Variants in CNBD1 observed in about 807,000 individuals in gnomAD.
CNBD1 encodes the protein cyclic nucleotide binding domain containing 1, also known as cyclic nucleotide-binding domain-containing protein 1.
In CNBD1, 71 loss-of-function variants were observed where a neutral mutation model predicts 54.4. The ratio of observed to expected loss-of-function variants is 1.30; its 90% CI spans 1.08 to 1.59. The LOEUF (loss-of-function observed/expected upper bound fraction) is 1.59. CNBD1 is among the 40% of genes most tolerant of loss of function. CNBD1 has a pLI of 0.00. For synonymous variants in CNBD1, 182 were observed against 170.7 expected, an observed-to-expected ratio of 1.07 and a Z score of -0.51; for missense variants, 659 against 518.0, an observed-to-expected ratio of 1.27 and a Z score of -2.64.
intron 8 of CNBD1, among the ~76,000 whole-genome samples, chr8:87,320,759 G>A (rs1316146388): frequency 6.6e-6 from 1 of 151,984 alleles, no homozygotes; most frequent in Non-Finnish European, 1.5e-5. Flanking sequence ...AATTTTATGT[G>A]CACATTACAG....
intron 2 of CNBD1, among the ~76,000 whole-genome samples, chr8:87,415,120 G>T (rs770271533): frequency 6.6e-6 from 1 of 152,020 alleles, no homozygotes; most frequent in African/African-American, 2.4e-5. Flanking sequence ...ATCCCCAAAG[G>T]TGCTTTACCA....
intron 10 of CNBD1, among the ~76,000 whole-genome samples, chr8:87,379,420 A>G (rs112527457): frequency 0.017 from 2,527 of 151,358 alleles, 72 homozygotes; most frequent in African/African-American, 0.056. Context: ...CAAATCAACA[A>G]AATATACATT....
intron 4 of CNBD1, among the ~76,000 whole-genome samples, chr8:87,038,227 A>C (rs1447809061): frequency 6.6e-6 from 1 of 152,196 alleles, no homozygotes; most frequent in Non-Finnish European, 1.5e-5. Context: ...ATTTAGGCTC[A>C]AGTTAATCAA....
intron 4 of CNBD1, among the ~76,000 whole-genome samples, chr8:86,967,205 G>C (rs1318934912): frequency 2.2e-4 from 33 of 152,328 alleles, no homozygotes; most frequent in Admixed American, 2.1e-3. Flanking sequence ...GGGCTTCCAA[G>C]GGTATAAGCT....
intron 8 of CNBD1, among the ~76,000 whole-genome samples, chr8:87,347,969 AT>A (rs1204798502): frequency 1.3e-5 from 2 of 152,104 alleles, no homozygotes; most frequent in Non-Finnish European, 1.5e-5. Context: ...TCAAAATTTA[AT>A]TTTTTAATTT....
At chr8:87,272,823 C>T (rs753678969) in intron 6 of CNBD1, among the ~76,000 whole-genome samples, 11 of 151,876 alleles carry the variant, frequency 7.2e-5, no homozygotes, top group Non-Finnish European at 1.6e-4. Flanking sequence ...ACCTTATGTG[C>T]TAACTTTAAA....
intron 8 of CNBD1, among the ~76,000 whole-genome samples, chr8:87,313,180 T>A (rs1199582824): frequency 1.3e-5 from 2 of 152,086 alleles, no homozygotes; most frequent in Non-Finnish European, 2.9e-5. Context: ...AAAGGTTTGA[T>A]GCTTTTTGCA....
chr8:87,231,500 C>T (rs964322172), intron 5 of CNBD1, among the ~76,000 whole-genome samples: 1 of 152,130 alleles, frequency 6.6e-6, no homozygotes, highest in Non-Finnish European at 1.5e-5. Flanking sequence ...TCAGTTTCCT[C>T]AGTTGTAAAG....
intron 3 of CNBD1, among the ~76,000 whole-genome samples, chr8:86,925,061 C>T (rs977252338): frequency 5.9e-5 from 9 of 152,134 alleles, no homozygotes; most frequent in Admixed American, 1.3e-4. Context: ...AATATTCTTT[C>T]TTATATTATA....
chr8:87,333,769 C>G (rs1233606275), intron 8 of CNBD1, among the ~76,000 whole-genome samples: 2 of 152,124 alleles, frequency 1.3e-5, no homozygotes, highest in Non-Finnish European at 2.9e-5. Context: ...TTTGGTTTGC[C>G]AGCATTTTAT....
At chr8:87,388,612 G>C (rs980090656) in intron 2 of CNBD1, among the ~76,000 whole-genome samples, 1 of 152,088 alleles carries the variant, frequency 6.6e-6, no homozygotes, top group African/African-American at 2.4e-5. Context: ...ACAATTAATA[G>C]CTTACCAACC....
intron 2 of CNBD1, 60 bp downstream of exon 2, chr8:86,887,671 A>G (rs1808701647): frequency 2.5e-6 from 3 of 1,221,294 alleles, no homozygotes; most frequent in Non-Finnish European, 3.5e-6. Context: ...TTTTTGTTTT[A>G]GGGATAAAGT....
chr8:87,163,668 C>A lies in CNBD1; in HGVS notation c.432-42325C>A, dbSNP rs558688917. Among the ~76,000 whole-genome samples the A allele has an allele frequency of 6.6e-6, 1 of 151,602 alleles. No homozygotes were observed. The highest frequency in any genetic ancestry group is 2.4e-5 in the African/African-American group (1 of 41,414). On this transcript the variant is annotated intron_variant, in intron 4 of 10. Coordinates refer to ENST00000518476, the MANE Select transcript of CNBD1 (RefSeq NM_173538.3). The surrounding 1 kb of genome is among the most constrained non-coding windows in gnomAD (Gnocchi z 4.5). ...ATTTGTAGGTTGATTTTGTTTCCTG[C>A]AAATTTATTGAATTTGCTTATTAGT...
chr8:87,221,660 T>A (rs1032876434), intron 5 of CNBD1, among the ~76,000 whole-genome samples: 1 of 152,138 alleles, frequency 6.6e-6, no homozygotes, highest in South Asian at 2.1e-4. Context: ...TTGCCTCTTA[T>A]AATTATATAC....
At chr8:87,117,725 C>A (rs892300847) in intron 4 of CNBD1, among the ~76,000 whole-genome samples, 1 of 151,936 alleles carries the variant, frequency 6.6e-6, no homozygotes, top group African/African-American at 2.4e-5. Flanking sequence ...AGACCTTGGA[C>A]AGCTAGCTAA....
At chr8:87,125,442 A>G (rs1039690943) in intron 4 of CNBD1, among the ~76,000 whole-genome samples, 2 of 151,840 alleles carry the variant, frequency 1.3e-5, no homozygotes, top group Non-Finnish European at 3.0e-5. Context: ...ATATCGGCCA[A>G]TAAAACAGTA....
intron 8 of CNBD1, among the ~76,000 whole-genome samples, chr8:87,332,867 G>A (rs544660989): frequency 6.6e-6 from 1 of 152,096 alleles, no homozygotes; most frequent in Non-Finnish European, 1.5e-5. Context: ...CCGTTTTTTG[G>A]TTCCATATGA....
chr8:86,963,949 T>C (rs1381703993), intron 4 of CNBD1, among the ~76,000 whole-genome samples: 1 of 152,182 alleles, frequency 6.6e-6, no homozygotes, highest in Non-Finnish European at 1.5e-5. Flanking sequence ...TTTGCAGCAG[T>C]TGACAGGTGC....
intron 8 of CNBD1, among the ~76,000 whole-genome samples, chr8:87,312,219 C>A (rs1301214860): frequency 6.6e-6 from 1 of 151,924 alleles, no homozygotes; most frequent in African/African-American, 2.4e-5. Flanking sequence ...ACTACTATAT[C>A]GATATTTTGA....
Sources: allele counts gnomAD v4.1 joint callset (sites outside exome capture counted in the v4.1 genomes callset), GRCh38; gene constraint gnomAD v4.1.1; non-coding constraint Gnocchi (gnomAD v3.1); transcripts MANE v1.5; gene names NCBI Gene and HGNC (gene_info 2026-07-23, HGNC 2026-07-21).